Variants in ZNF462 observed in about 807,000 individuals in gnomAD.
ZNF462 encodes zinc finger protein 462, also known as zinc finger PBX1-interacting protein.
In ZNF462, 10 loss-of-function variants were observed where a neutral mutation model predicts 201.9. That is an observed-to-expected ratio of 0.05 (90% CI 0.03 to 0.08). The LOEUF (loss-of-function observed/expected upper bound fraction) is 0.08. Ranked by LOEUF, ZNF462 falls within the 10% of genes least tolerant of loss-of-function variation. The pLI, the probability that ZNF462 is intolerant of heterozygous loss-of-function variation, is 1.00. For missense variants in ZNF462, 2,523 were observed against 3,168.3 expected, an observed-to-expected ratio of 0.80 and a Z score of 4.89; for synonymous variants, 1,227 against 1,193.3, an observed-to-expected ratio of 1.03 and a Z score of -0.58.
chr9:106,926,071 T>A lies in ZNF462; in HGVS notation c.2159T>A (p.Val720Asp), dbSNP rs1423311075. 6.2e-7 allele frequency: 1 copy of A among 1,613,902 alleles called. No individual in the cohort carries two copies. The highest frequency in any genetic ancestry group is 2.2e-5 in the East Asian group (1 of 44,880). The change falls in exon 3 of 13, where the codon GTT becomes GAT. Residue 720 changes from valine to aspartate, a missense_variant. Physicochemically the swap from Val to Asp is radical, Grantham distance 152. This residue lies in a region of ZNF462 where 383 missense variants were observed against 453.4 expected (regional missense o/e 0.84). Transcript: ENST00000277225. The surrounding 1 kb of genome is among the most constrained non-coding windows in gnomAD (Gnocchi z 7.9). ...TKQQEDAVIN[V>D]EDDEEEEEDN... is the part of the protein sequence containing the mutation. ...CAGCAGGAAGATGCAGTGATCAATG[T>A]TGAGGATGATGAAGAGGAAGAGGAA...
intron 1 of ZNF462, among the ~76,000 whole-genome samples, chr9:106,878,196 C>T (rs1171169377): frequency 6.6e-6 from 1 of 152,188 alleles, no homozygotes; most frequent in Non-Finnish European, 1.5e-5. Flanking sequence ...CTCCTCTGCT[C>T]CAGTTTCTTA....
intron 7 of ZNF462, among the ~76,000 whole-genome samples, chr9:106,957,600 A>G (rs1218662242): frequency 1.3e-5 from 2 of 152,164 alleles, no homozygotes; most frequent in Non-Finnish European, 2.9e-5. Flanking sequence ...AATATATATC[A>G]TGAGTAATCC....
intron 1 of ZNF462, among the ~76,000 whole-genome samples, chr9:106,884,990 A>G (rs1217280523): frequency 6.6e-6 from 1 of 152,198 alleles, no homozygotes; most frequent in East Asian, 1.9e-4. Flanking sequence ...TGTTTCTTCA[A>G]AAGATAAGAA....
At chr9:106,894,493 T>C (rs1010380099) in intron 1 of ZNF462, among the ~76,000 whole-genome samples, 1 of 152,228 alleles carries the variant, frequency 6.6e-6, no homozygotes, top group Non-Finnish European at 1.5e-5. Context: ...TGTAAAGGTA[T>C]TACAGGGTTG....
chr9:106,998,795 G>A (rs140921082), intron 10 of ZNF462, among the ~76,000 whole-genome samples: 3,361 of 152,070 alleles, frequency 0.022, 135 homozygotes, highest in African/African-American at 0.076. Context: ...TTTTAGTAGA[G>A]ACGGGGTTTC....
chr9:106,993,798 G>T lies in ZNF462; in HGVS notation c.7056+9389G>T, dbSNP rs1828478911. ...CTTGCTCTGTTGCCCAGGCTGAGGT[G>T]CAATGGCGCAATCATAGCTCACTGC... On this transcript the variant is annotated intron_variant, in intron 10 of 12. Transcript: ENST00000277225. The surrounding 1 kb of genome is among the most constrained non-coding windows in gnomAD (Gnocchi z 4.0). Among the ~76,000 whole-genome samples the T allele has an allele frequency of 6.6e-6, 1 of 151,982 alleles. No homozygotes were observed. The highest frequency in any genetic ancestry group is 6.6e-5 in the Admixed American group (1 of 15,256).
intron 10 of ZNF462, chr9:106,995,709 T>C (rs1224214858): frequency 1.3e-5 from 2 of 152,208 alleles, no homozygotes; most frequent in Non-Finnish European, 2.9e-5. Context: ...TTTTTAGCAC[T>C]TAATAGTTAC....
chr9:106,960,554 CCT>C (rs1178745731), intron 7 of ZNF462, among the ~76,000 whole-genome samples: 1 of 152,104 alleles, frequency 6.6e-6, no homozygotes, highest in Non-Finnish European at 1.5e-5. Flanking sequence ...AACCTTACTT[CCT>C]CATCACACAA....
rs1314493008 is a variant in ZNF462, at chr9:106,886,300, C to G, written c.-31+22945C>G. On this transcript the variant is annotated intron_variant, in intron 1 of 12. Coordinates refer to ENST00000277225, the MANE Select transcript of ZNF462 (RefSeq NM_021224.6). This position sits in a 1 kb window ranked among gnomAD's most constrained non-coding sequence, Gnocchi z 4.6. ...ATGACTTGGGTATGTTTATGTAGAT[C>G]CAAAATTATTTTAAAGTTTGAAGTG... Among the ~76,000 whole-genome samples the G allele has an allele frequency of 2.6e-5, 4 of 152,124 alleles. No individual in the cohort carries two copies. Among genetic ancestry groups the G allele is most frequent in the Non-Finnish European group, 5.9e-5 (4 of 68,014 alleles).
At chr9:106,863,383 C>T (rs2130734474) in intron 1 of ZNF462, 28 bp downstream of exon 1, 1 of 393,632 alleles carries the variant, frequency 2.5e-6, no homozygotes, top group East Asian at 3.6e-5. Context: ...ACAACCACCT[C>T]GGGGTGGTCC....
chr9:106,940,283 T>C (rs1389918151), intron 7 of ZNF462, among the ~76,000 whole-genome samples: 2 of 152,212 alleles, frequency 1.3e-5, no homozygotes, highest in Non-Finnish European at 2.9e-5. Context: ...AAGGCCGTTT[T>C]ATTTCTGTAC....
At position 107,008,756 on chromosome 9, in the gene ZNF462, T is replaced by G. The variant is rs781088368; in HGVS notation, c.7190-789T>G. Among the ~76,000 whole-genome samples the G allele has an allele frequency of 6.6e-6, 1 of 152,180 alleles. No homozygotes were observed. Among genetic ancestry groups the G allele is most frequent in the Non-Finnish European group, 1.5e-5 (1 of 68,024 alleles). ...TATCAGACTTCTACCATGTGCCTAG[T>G]ACCATGGAGGAAACAAAACAACTAA... On this transcript the variant is annotated intron_variant, in intron 11 of 12. Transcript: ENST00000277225. This position sits in a 1 kb window ranked among gnomAD's most constrained non-coding sequence, Gnocchi z 4.8.
chr9:106,940,909 G>T (rs1830842233), intron 7 of ZNF462, among the ~76,000 whole-genome samples: 1 of 152,156 alleles, frequency 6.6e-6, no homozygotes, highest in Admixed American at 6.5e-5. Flanking sequence ...AATCTAACTT[G>T]ACTCAAATTG....
intron 7 of ZNF462, among the ~76,000 whole-genome samples, chr9:106,960,911 G>A (rs1261654306): frequency 6.6e-6 from 1 of 152,078 alleles, no homozygotes; most frequent in Non-Finnish European, 1.5e-5. Flanking sequence ...GCCACTACAA[G>A]TCTTTAGGCA....
rs1449831635 is a variant in ZNF462, at chr9:106,917,323, C to A, written c.-30-6031C>A. ...TGAAAACTTTATGCAGGAGAGCGAT[C>A]CTAAAATAAAAAGTAACCTGAAGGC... On this transcript the variant is annotated intron_variant, in intron 1 of 12. Coordinates refer to ENST00000277225, the MANE Select transcript of ZNF462 (RefSeq NM_021224.6). The surrounding 1 kb of genome is among the most constrained non-coding windows in gnomAD (Gnocchi z 4.5). Among the ~76,000 whole-genome samples, 1 of 152,140 alleles carries A rather than the reference C, an allele frequency of 6.6e-6. No homozygotes were observed. Among genetic ancestry groups the A allele is most frequent in the Non-Finnish European group, 1.5e-5 (1 of 68,028 alleles).
chr9:106,939,216 T>G, intron 7 of ZNF462, 109 bp downstream of exon 7: 1 of 1,167,176 alleles, frequency 8.6e-7, no homozygotes, highest in South Asian at 1.7e-5. Flanking sequence ...ACATGATGGT[T>G]CAAGTGAAGG....
In ZNF462 at chr9:106,928,922, C is replaced by T; in HGVS notation, c.5010C>T (p.Ser1670=). The T allele has an allele frequency of 1.2e-6, 2 of 1,614,076 alleles. No homozygotes were observed. The highest frequency in any genetic ancestry group is 1.6e-4 in the Middle Eastern group (1 of 6,062). Residue 1670 remains serine, a synonymous_variant, in exon 3 of 13, where the codon TCC becomes TCT. Coordinates refer to ENST00000277225, the MANE Select transcript of ZNF462 (RefSeq NM_021224.6). The surrounding 1 kb of genome is among the most constrained non-coding windows in gnomAD (Gnocchi z 9.3). The part of the protein sequence containing the change: ...FRCQLCKYFC[S]TRKGIARHYR... The stretch of plus-strand genomic sequence containing the variant: ...GCCAGCTCTGCAAGTACTTCTGCTC[C>T]ACGAGGAAGGGGATCGCCAGGCACT...
At position 106,930,385 on chromosome 9, in the gene ZNF462, A is replaced by G; in HGVS notation, c.5848-140A>G. Reference sequence around the variant, plus strand: ...CATGATGCTGACAAATTTGTTATATAAAAATACTCGCCTATATCTCCCTTG... The same window carrying G: ...CATGATGCTGACAAATTTGTTATATGAAAATACTCGCCTATATCTCCCTTG... On this transcript the variant is annotated intron_variant, in intron 3 of 12. Coordinates refer to ENST00000277225, the MANE Select transcript of ZNF462 (RefSeq NM_021224.6). This position sits in a 1 kb window ranked among gnomAD's most constrained non-coding sequence, Gnocchi z 5.8. The G allele has an allele frequency of 8.9e-7, 1 of 1,118,210 alleles. No individual in the cohort carries two copies. The highest frequency in any genetic ancestry group is 1.2e-6 in the Non-Finnish European group (1 of 805,694). The allele number at this position is 1,118,210 out of a possible 1,614,324, so 69.3% of individuals were successfully genotyped here. A position where few individuals can be genotyped will look rare whatever the true frequency, so the allele number is the denominator to read the frequency against.
chr9:106,935,602 T>A lies in ZNF462; in HGVS notation c.6216T>A (p.His2072Gln). Residue 2072 changes from histidine to glutamine, a missense_variant, in exon 6 of 13, where the codon CAT (histidine) becomes CAA (glutamine). Around this residue, in one of 15 missense-constraint regions of ZNF462, gnomAD observed 138 missense variants for 146.3 expected, o/e 0.94. Transcript: ENST00000277225. This position sits in a 1 kb window ranked among gnomAD's most constrained non-coding sequence, Gnocchi z 4.1. ...CCTATAACAGCCGGCTGAAAACACA[T>A]ATACTCAAAGCTCATGCTGGTGAGT... ...KSSYNSRLKTHILKAHAGEHA... is the reference protein window; with the variant it reads ...KSSYNSRLKTQILKAHAGEHA... The A allele has an allele frequency of 6.2e-7, 1 of 1,613,888 alleles. No homozygotes were observed. The highest frequency in any genetic ancestry group is 8.5e-7 in the Non-Finnish European group (1 of 1,179,840).
Sources: allele counts gnomAD v4.1 joint callset (sites outside exome capture counted in the v4.1 genomes callset), GRCh38; gene constraint gnomAD v4.1.1; regional missense constraint gnomAD v4.1.1; non-coding constraint Gnocchi (gnomAD v3.1); transcripts MANE v1.5; gene names NCBI Gene and HGNC (gene_info 2026-07-23, HGNC 2026-07-21).